GYPC: variants seen among roughly 807,000 people sequenced by gnomAD.
GYPC encodes the protein glycophorin C (Gerbich blood group).
In GYPC, 14 loss-of-function variants were observed where a neutral mutation model predicts 12.6. That is an observed-to-expected ratio of 1.11 (90% confidence interval 0.74 to 1.74). The LOEUF (loss-of-function observed/expected upper bound fraction) is 1.74, where lower values mean the gene tolerates loss of function less well. Among genes scored for constraint, GYPC ranks in the 40% most tolerant of loss-of-function variants. GYPC has a pLI of 0.00. For missense variants in GYPC, 225 were observed against 172.1 expected (o/e 1.31, Z -1.72); for synonymous variants, 78 against 62.1 (o/e 1.26, Z -1.20).
chr2:126,691,871 C>A (rs13432961), intron 2 of GYPC, among the ~76,000 whole-genome samples: 47 of 152,050 alleles, frequency 3.1e-4, no homozygotes, highest in African/African-American at 1.1e-3. Context: ...TTTCTGAGGG[C>A]AGTTCTGGGT....
chr2:126,688,293 A>G (rs962737922), intron 1 of GYPC, among the ~76,000 whole-genome samples: 1 of 152,224 alleles, frequency 6.6e-6, no homozygotes, highest in Non-Finnish European at 1.5e-5. Context: ...TTCTATAACC[A>G]TCCATGCCTA....
chr2:126,669,994 C>T, intron 1 of GYPC, among the ~76,000 whole-genome samples: 1 of 152,164 alleles, frequency 6.6e-6, no homozygotes, highest in East Asian at 1.9e-4. Flanking sequence ...AGAGGCTGAA[C>T]TGTCTGGAGG....
At chr2:126,679,459 A>G (rs1338703828) in intron 1 of GYPC, among the ~76,000 whole-genome samples, 2 of 152,196 alleles carry the variant, frequency 1.3e-5, no homozygotes, top group East Asian at 3.8e-4. Flanking sequence ...GTGTGTAGAG[A>G]AAGAAAAAAA....
chr2:126,661,103 C>T (rs779287326), intron 1 of GYPC, among the ~76,000 whole-genome samples: 8 of 152,356 alleles, frequency 5.3e-5, no homozygotes, highest in Non-Finnish European at 1.2e-4. Context: ...GAGCCCATTT[C>T]CCATGTGCAG....
rs151338263 is a variant in GYPC at position 126,693,831 on chromosome 2, C to G, written c.107-33C>G. 12 of 1,442,704 alleles carry G rather than the reference C, an allele frequency of 8.3e-6. No homozygotes were observed. In the African/African-American group the frequency reaches 1.4e-4, roughly 17 times the overall value. 89.4% of individuals were successfully genotyped at this position (1,442,704 alleles called of 1,614,324 possible). A position where few individuals can be genotyped will look rare whatever the true frequency, so the allele number is the denominator to read the frequency against. On this transcript the variant is annotated intron_variant, in intron 2 of 3. Transcript: ENST00000259254. ...GCTGCTAGGCATGGAGAATCTTCCT[C>G]TCTGACCTCAGATTCTTGTCCTCTG...
chr2:126,693,967 C>T lies in GYPC; in HGVS notation c.190+20C>T. The T allele has an allele frequency of 2.0e-6, 3 of 1,532,222 alleles. No individual in the cohort carries two copies. Among genetic ancestry groups the T allele is most frequent in the Non-Finnish European group, 2.7e-6 (3 of 1,105,062 alleles). The allele number at this position is 1,532,222 out of a possible 1,614,324, so 94.9% of individuals were successfully genotyped here. A position where few individuals can be genotyped will look rare whatever the true frequency, so the allele number is the denominator to read the frequency against. On this transcript the variant is annotated intron_variant, in intron 3 of 3. Transcript: ENST00000259254. Reference sequence around the variant, plus strand: ...TTGCAGGTGAGCTCTCATCACAGAGCCCTTCAAGCAGCCAGGGTGGGGGGC... The same window carrying T: ...TTGCAGGTGAGCTCTCATCACAGAGTCCTTCAAGCAGCCAGGGTGGGGGGC...
chr2:126,680,259 G>C (rs1558886293), intron 1 of GYPC: 1 of 152,260 alleles, frequency 6.6e-6, no homozygotes, highest in Non-Finnish European at 1.5e-5. Flanking sequence ...AGAGGTTGAA[G>C]ATGGTCACAG....
At chr2:126,686,478 C>G in intron 1 of GYPC, 1 of 985,510 alleles carries the variant, frequency 1.0e-6, no homozygotes, top group South Asian at 4.7e-5. Context: ...AAAGCCACTC[C>G]CAACTCCACA....
intron 1 of GYPC, among the ~76,000 whole-genome samples, chr2:126,673,070 G>A (rs1558882921): frequency 6.6e-6 from 1 of 152,056 alleles, no homozygotes; most frequent in Non-Finnish European, 1.5e-5. Context: ...GGGAGACCCA[G>A]AAGGGTATTG....
At chr2:126,671,666 G>A (rs1682859985) in intron 1 of GYPC, among the ~76,000 whole-genome samples, 2 of 152,218 alleles carry the variant, frequency 1.3e-5, no homozygotes, top group African/African-American at 4.8e-5. Flanking sequence ...TGGGAGCTCA[G>A]ATTCCACAAA....
intron 3 of GYPC, among the ~76,000 whole-genome samples, chr2:126,695,530 GT>G (rs1034080763): frequency 6.6e-6 from 1 of 152,190 alleles, no homozygotes; most frequent in Non-Finnish European, 1.5e-5. Flanking sequence ...GAGTTCTTGA[GT>G]TTGGAATGGC....
intron 1 of GYPC, among the ~76,000 whole-genome samples, chr2:126,669,444 T>A (rs1040452369): frequency 2.0e-5 from 3 of 152,076 alleles, no homozygotes; most frequent in Admixed American, 6.5e-5. Context: ...CTCCCTCATA[T>A]GTGCGGAAAC....
At chr2:126,679,834 A>G (rs1683106425) in intron 1 of GYPC, 1 of 152,154 alleles carries the variant, frequency 6.6e-6, no homozygotes, top group South Asian at 2.1e-4. Flanking sequence ...AGATCGTGCC[A>G]CTGCCCTCCA....
In GYPC at chr2:126,696,323, T is replaced by C. The variant is rs1683645058; in HGVS notation, c.*181T>C. 5 of 630,140 alleles carry C rather than the reference T, an allele frequency of 7.9e-6. No homozygotes were observed. The highest frequency in any genetic ancestry group is 1.1e-5 in the Non-Finnish European group (4 of 348,292). The allele number at this position is 630,140 out of a possible 1,614,324, so 39.0% of individuals were successfully genotyped here. A position where few individuals can be genotyped will look rare whatever the true frequency, so the allele number is the denominator to read the frequency against. On this transcript the variant is annotated 3_prime_UTR_variant, in exon 4 of 4. Transcript: ENST00000259254. ...GGGAGGAACGGAGGAGGACTCGCGC[T>C]ACAAGAGGCCACTCCCAGGGACCCA...
At chr2:126,658,735 C>G (rs1033280478) in intron 1 of GYPC, 1 of 152,182 alleles carries the variant, frequency 6.6e-6, no homozygotes, top group African/African-American at 2.4e-5. Context: ...ACAAATATTT[C>G]TTATTTTACA....
At chr2:126,695,072 C>T (rs1020957139) in intron 3 of GYPC, among the ~76,000 whole-genome samples, 20 of 152,184 alleles carry the variant, frequency 1.3e-4, no homozygotes, top group African/African-American at 4.6e-4. Context: ...AGATTCGCCC[C>T]GTCCTCAGTC....
intron 1 of GYPC, among the ~76,000 whole-genome samples, chr2:126,664,999 CTCTA>C (rs1334080392): frequency 1.3e-5 from 2 of 152,298 alleles, no homozygotes; most frequent in East Asian, 1.9e-4. Flanking sequence ...CATTTTCTGT[CTCTA>C]TCTTTCTCTT....
At chr2:126,692,118 T>C (rs1165751897) in intron 2 of GYPC, among the ~76,000 whole-genome samples, 1 of 152,160 alleles carries the variant, frequency 6.6e-6, no homozygotes, top group Non-Finnish European at 1.5e-5. Context: ...AGCACCCACT[T>C]GAACTTGCTA....
chr2:126,659,547 G>A (rs1682472989), intron 1 of GYPC, among the ~76,000 whole-genome samples: 1 of 152,160 alleles, frequency 6.6e-6, no homozygotes, highest in African/African-American at 2.4e-5. Context: ...GAAGGGCCTG[G>A]ACCTGCTCCC....
Sources: gnomAD v4.1 joint callset for allele counts (sites outside exome capture counted in the v4.1 genomes callset) on GRCh38, gnomAD v4.1.1 for gene constraint, MANE v1.5 for transcripts, NCBI Gene and HGNC (gene_info 2026-07-23, HGNC 2026-07-21) for gene names.